Variants in HECW2 observed in about 807,000 individuals in gnomAD.
HECW2 encodes HECT, C2 and WW domain containing E3 ubiquitin protein ligase 2.
In HECW2, 61 loss-of-function variants were observed where a neutral mutation model predicts 175.2. That is an observed-to-expected ratio of 0.35 (90% confidence interval 0.28 to 0.43). The LOEUF (loss-of-function observed/expected upper bound fraction) is 0.43, where lower values mean the gene tolerates loss of function less well. Ranked by LOEUF, HECW2 falls within the 20% of genes least tolerant of loss-of-function variation. HECW2 has a pLI of 1.00. For synonymous variants in HECW2, 671 were observed against 731.0 expected, an observed-to-expected ratio of 0.92 and a Z score of 1.32; for missense variants, 1,524 against 2,000.5, an observed-to-expected ratio of 0.76 and a Z score of 4.54.
At chr2:196,349,974 C>T (rs1053648975) in intron 2 of HECW2, among the ~76,000 whole-genome samples, 1 of 152,186 alleles carries the variant, frequency 6.6e-6, no homozygotes, top group Non-Finnish European at 1.5e-5. Flanking sequence ...GTCACAGATC[C>T]TCACGGGTCA....
At chr2:196,526,348 T>C (rs1437537846) in intron 1 of HECW2, among the ~76,000 whole-genome samples, 2 of 140,252 alleles carry the variant, frequency 1.4e-5, no homozygotes, top group East Asian at 2.0e-4. Flanking sequence ...TAAGCACTTC[T>C]CTGTATTGGT....
intron 5 of HECW2, among the ~76,000 whole-genome samples, chr2:196,327,023 T>G (rs1053014132): frequency 3.3e-5 from 5 of 152,234 alleles, no homozygotes; most frequent in Admixed American, 2.0e-4. Flanking sequence ...CCTTTCTTGA[T>G]TATGTTGCCC....
At chr2:196,268,926 T>G (rs1303441233) in intron 17 of HECW2, among the ~76,000 whole-genome samples, 1 of 152,210 alleles carries the variant, frequency 6.6e-6, no homozygotes, top group Non-Finnish European at 1.5e-5. Flanking sequence ...TACACAAGAT[T>G]CTCTAGGGGA....
intron 2 of HECW2, among the ~76,000 whole-genome samples, chr2:196,430,261 T>G (rs1222324922): frequency 1.3e-5 from 2 of 151,806 alleles, no homozygotes; most frequent in Non-Finnish European, 2.9e-5. Flanking sequence ...GTGTAAAAAA[T>G]CAAACCTATA....
At chr2:196,467,561 TCTTAGGGAACC>T (rs1697009198) in intron 1 of HECW2, among the ~76,000 whole-genome samples, 1 of 152,232 alleles carries the variant, frequency 6.6e-6, no homozygotes, top group Non-Finnish European at 1.5e-5. Context: ...GTCTGACTCT[TCTTAGGGAACC>T]CTACATGCAG....
chr2:196,362,426 G>A (rs1193141665), intron 2 of HECW2, among the ~76,000 whole-genome samples: 2 of 151,092 alleles, frequency 1.3e-5, no homozygotes, highest in Non-Finnish European at 2.9e-5. Flanking sequence ...CCAGAAAGGG[G>A]AGCTTGCTAT....
At chr2:196,346,490 G>C (rs1435908745) in intron 2 of HECW2, among the ~76,000 whole-genome samples, 1 of 152,092 alleles carries the variant, frequency 6.6e-6, no homozygotes, top group African/African-American at 2.4e-5. Context: ...TTCATCTCTA[G>C]GTATAAATAT....
intron 14 of HECW2, among the ~76,000 whole-genome samples, chr2:196,284,317 A>G (rs1472291205): frequency 6.6e-6 from 1 of 152,208 alleles, no homozygotes; most frequent in African/African-American, 2.4e-5. Context: ...GTATCCCACA[A>G]GGGGCTCTAT....
chr2:196,291,134 G>A (rs1227805132), intron 14 of HECW2: 2 of 152,042 alleles, frequency 1.3e-5, no homozygotes, highest in Admixed American at 1.3e-4. Flanking sequence ...TTGTGGTAAA[G>A]TTCCCTCTGC....
intron 1 of HECW2, among the ~76,000 whole-genome samples, chr2:196,570,871 A>G (rs1690360817): frequency 6.6e-6 from 1 of 152,194 alleles, no homozygotes; most frequent in Non-Finnish European, 1.5e-5. Context: ...TGTGAGGTCC[A>G]GTTTGCCAGA....
At chr2:196,432,461 G>A (rs1695743546) in intron 2 of HECW2, among the ~76,000 whole-genome samples, 1 of 152,164 alleles carries the variant, frequency 6.6e-6, no homozygotes, top group South Asian at 2.1e-4. Context: ...CAATGTGGCA[G>A]ACATCGTACT....
intron 5 of HECW2, among the ~76,000 whole-genome samples, chr2:196,326,097 T>C (rs6725009): frequency 0.64 from 97,951 of 152,046 alleles, 35,366 homozygotes; most frequent in East Asian, 0.95. Context: ...CAGAGAGAAA[T>C]TCTGCATATG....
intron 15 of HECW2, among the ~76,000 whole-genome samples, chr2:196,278,133 A>AT (rs1553489735): frequency 0.011 from 731 of 66,498 alleles, 179 homozygotes; most frequent in Non-Finnish European, 0.018. Context: ...ATAATTAAAA[A>AT]ATATATATAT....
intron 27 of HECW2, among the ~76,000 whole-genome samples, chr2:196,216,274 T>C (rs1017547822): frequency 2.0e-5 from 3 of 152,172 alleles, no homozygotes; most frequent in Admixed American, 6.5e-5. Flanking sequence ...TTTCCCACTA[T>C]AGATGAATAA....
At chr2:196,338,752 T>C (rs372407359) in intron 3 of HECW2, among the ~76,000 whole-genome samples, 34 of 152,360 alleles carry the variant, frequency 2.2e-4, no homozygotes, top group African/African-American at 7.7e-4. Flanking sequence ...TTTAATCATA[T>C]CTATTTTACT....
At position 196,278,133 on chromosome 2, in the gene HECW2, A is replaced by AAAAAAAAATATATAT. The variant is rs531920307; in HGVS notation, c.3135+394_3135+395insATATATATTTTTTTT. Among the ~76,000 whole-genome samples, 223 of 66,568 alleles carry AAAAAAAAATATATAT rather than the reference A, an allele frequency of 3.3e-3. 15 individuals carry two copies. The highest frequency in any genetic ancestry group is 5.6e-3 in the Non-Finnish European group (170 of 30,288). 43.7% of individuals were successfully genotyped at this position (66,568 alleles called of 152,430 possible). A position where few individuals can be genotyped will look rare whatever the true frequency, so the allele number is the denominator to read the frequency against. On this transcript the variant is annotated intron_variant, in intron 15 of 28. Transcript: ENST00000644978. ...CCTAGAACTTAAAGTATAATTAAAA[A>AAAAAAAAATATATAT]ATATATATATATATATATAAAGAAA...
chr2:196,436,042 G>A (rs1162502557), intron 1 of HECW2, among the ~76,000 whole-genome samples: 1 of 152,198 alleles, frequency 6.6e-6, no homozygotes, highest in East Asian at 1.9e-4. Flanking sequence ...GAGCCTTGTA[G>A]GCAGTGAGGA....
chr2:196,234,428 C>T (rs1688166495), intron 21 of HECW2, among the ~76,000 whole-genome samples: 1 of 152,074 alleles, frequency 6.6e-6, no homozygotes, highest in Admixed American at 6.5e-5. Flanking sequence ...TCTAGGACTA[C>T]AGACACAAGC....
At chr2:196,257,655 A>G (rs1485893594) in intron 18 of HECW2, 168 bp downstream of exon 18, 4 of 593,162 alleles carry the variant, frequency 6.7e-6, no homozygotes, top group Non-Finnish European at 1.2e-5. Flanking sequence ...GGCAACGTGA[A>G]GTGAATGATC....
Sources: gnomAD v4.1 joint callset for allele counts (sites outside exome capture counted in the v4.1 genomes callset) on GRCh38, gnomAD v4.1.1 for gene constraint, MANE v1.5 for transcripts, NCBI Gene and HGNC (gene_info 2026-07-23, HGNC 2026-07-21) for gene names.